PAN3: variants seen among roughly 807,000 people sequenced by gnomAD.
PAN3 encodes PAN2-PAN3 deadenylation complex subunit PAN3.
PAN3 carries 19 observed loss-of-function variants against 96.2 expected under a neutral mutation model. The observed-to-expected ratio is 0.20, with a 90% CI of 0.14 to 0.29. PAN3 has a LOEUF of 0.29. PAN3 is among the 10% of genes least tolerant of loss of function. The probability of loss-of-function intolerance (pLI) is 1.00; values close to 1 mark genes in which losing one functional copy is unlikely to be tolerated. For synonymous variants in PAN3, 433 were observed against 406.6 expected (o/e 1.06, Z -0.78); for missense variants, 882 against 1,108.1 (o/e 0.80, Z 2.90).
chr13:28,138,679 C>A lies in PAN3; in HGVS notation c.22C>A (p.Pro8Thr), dbSNP rs1015005303. ...TGCCATGAACAGTGGCGGCGGCCTCCCGCCCCCCTCGGCCGCCGCCTCCCC... is the reference window on the plus strand; with the variant it reads ...TGCCATGAACAGTGGCGGCGGCCTCACGCCCCCCTCGGCCGCCGCCTCCCC... MNSGGGL[P>T]PPSAAASPSS... is the part of the protein sequence containing the mutation. Residue 8 changes from proline to threonine, a missense_variant, in exon 1 of 19, where the codon CCG (proline) becomes ACG (threonine). Around this residue, in one of 3 missense-constraint regions of PAN3, gnomAD observed 442 missense variants for 422.8 expected, o/e 1.05. Coordinates refer to ENST00000380958, the MANE Select transcript of PAN3 (RefSeq NM_175854.8). 4.0e-5 allele frequency: 36 copies of A among 898,276 alleles called. No homozygotes were observed. The highest frequency in any genetic ancestry group is 2.1e-4 in the Admixed American group (5 of 23,322). 55.6% of individuals were successfully genotyped at this position (898,276 alleles called of 1,614,324 possible). A position where few individuals can be genotyped will look rare whatever the true frequency, so the allele number is the denominator to read the frequency against.
At chr13:28,205,561 G>A (rs1879242237) in intron 5 of PAN3, among the ~76,000 whole-genome samples, 1 of 152,054 alleles carries the variant, frequency 6.6e-6, no homozygotes, top group Non-Finnish European at 1.5e-5. Flanking sequence ...GTGTGGGCTG[G>A]GTGTGATAAC....
At chr13:28,233,334 T>G (rs1287048525) in intron 6 of PAN3, among the ~76,000 whole-genome samples, 1 of 151,554 alleles carries the variant, frequency 6.6e-6, no homozygotes, top group Non-Finnish European at 1.5e-5. Flanking sequence ...TGGCATGATC[T>G]CGGCTCACTG....
At chr13:28,145,447 C>T (rs1337023307) in intron 1 of PAN3, among the ~76,000 whole-genome samples, 1 of 151,966 alleles carries the variant, frequency 6.6e-6, no homozygotes, top group African/African-American at 2.4e-5. Context: ...GCCATAGACT[C>T]ATGAGTAGCT....
chr13:28,181,471 T>TA (rs902859642), intron 4 of PAN3, among the ~76,000 whole-genome samples: 15 of 125,240 alleles, frequency 1.2e-4, no homozygotes, highest in South Asian at 2.4e-4. Flanking sequence ...GTGATCACTC[T>TA]AATGCACTGT....
intron 5 of PAN3, among the ~76,000 whole-genome samples, chr13:28,217,019 C>T (rs1880859328): frequency 6.6e-6 from 1 of 151,176 alleles, no homozygotes; most frequent in African/African-American, 2.4e-5. Context: ...GAGGCTGAGG[C>T]AGGAGAATCA....
intron 6 of PAN3, among the ~76,000 whole-genome samples, chr13:28,245,339 A>G (rs886355173): frequency 6.7e-6 from 1 of 150,116 alleles, no homozygotes; most frequent in Non-Finnish European, 1.5e-5. Flanking sequence ...CTAGTTGTTT[A>G]TATCTACAGA....
chr13:28,233,506 A>G (rs1882796658), intron 6 of PAN3, among the ~76,000 whole-genome samples: 1 of 152,098 alleles, frequency 6.6e-6, no homozygotes, highest in Non-Finnish European at 1.5e-5. Flanking sequence ...ACCCCAAGTG[A>G]TCTGCCCACC....
intron 1 of PAN3, among the ~76,000 whole-genome samples, chr13:28,162,510 C>T (rs1873001750): frequency 6.6e-6 from 1 of 152,002 alleles, no homozygotes; most frequent in Non-Finnish European, 1.5e-5. Flanking sequence ...CATGGCGAAA[C>T]CCCACCTCTA....
intron 12 of PAN3, among the ~76,000 whole-genome samples, chr13:28,268,964 C>CAACT (rs1423114425): frequency 6.6e-6 from 1 of 152,130 alleles, no homozygotes; most frequent in Non-Finnish European, 1.5e-5. Flanking sequence ...GGATGTGGTA[C>CAACT]AACTATTCTT....
At chr13:28,139,116 C>A in intron 1 of PAN3, 29 bp downstream of exon 1, 1 of 1,273,804 alleles carries the variant, frequency 7.9e-7, no homozygotes, top group Non-Finnish European at 9.9e-7. Flanking sequence ...GGGCGGGCCG[C>A]GGCGGCGGAG....
At chr13:28,170,500 C>T (rs578091260) in intron 1 of PAN3, among the ~76,000 whole-genome samples, 24 of 152,034 alleles carry the variant, frequency 1.6e-4, no homozygotes, top group African/African-American at 5.8e-4. Context: ...TTGGCTTGTA[C>T]AAAATGTGAA....
At chr13:28,217,017 G>A (rs1880859059) in intron 5 of PAN3, among the ~76,000 whole-genome samples, 1 of 151,936 alleles carries the variant, frequency 6.6e-6, no homozygotes, top group African/African-American at 2.4e-5. Context: ...TGGAGGCTGA[G>A]GCAGGAGAAT....
intron 4 of PAN3, among the ~76,000 whole-genome samples, chr13:28,181,504 CAAAAAAAA>C: frequency 1.7e-5 from 1 of 57,268 alleles, no homozygotes; most frequent in East Asian, 6.1e-4. Context: ...AACCCTGTCT[CAAAAAAAA>C]AAAAAAAAAA....
At chr13:28,174,509 G>A in intron 2 of PAN3, 116 bp downstream of exon 2, 1 of 1,098,992 alleles carries the variant, frequency 9.1e-7, no homozygotes, top group Non-Finnish European at 1.3e-6. Context: ...TTAGGAGGCA[G>A]TGAGATGGGT....
chr13:28,261,689 A>G (rs1194585092), intron 9 of PAN3, among the ~76,000 whole-genome samples: 1 of 151,842 alleles, frequency 6.6e-6, no homozygotes, highest in African/African-American at 2.4e-5. Flanking sequence ...ATTAGCTGGG[A>G]GTGGTGGTGC....
intron 1 of PAN3, among the ~76,000 whole-genome samples, chr13:28,146,684 A>G (rs1280667122): frequency 6.6e-6 from 1 of 152,176 alleles, no homozygotes; most frequent in African/African-American, 2.4e-5. Flanking sequence ...TGTGTATTAA[A>G]ACATTTAAAC....
chr13:28,274,510 C>A (rs1019031618), intron 14 of PAN3, among the ~76,000 whole-genome samples: 1 of 147,856 alleles, frequency 6.8e-6, no homozygotes, highest in African/African-American at 2.5e-5. Context: ...AAAAAAAAAA[C>A]TGCACACGCT....
intron 2 of PAN3, among the ~76,000 whole-genome samples, chr13:28,175,145 A>G (rs1874799793): frequency 6.6e-6 from 1 of 152,192 alleles, no homozygotes; most frequent in African/African-American, 2.4e-5. Flanking sequence ...AGTAAAGGCA[A>G]TGTATTGTCC....
intron 5 of PAN3, among the ~76,000 whole-genome samples, chr13:28,202,493 G>A (rs1470562779): frequency 2.6e-5 from 4 of 151,960 alleles, no homozygotes; most frequent in Non-Finnish European, 5.9e-5. Context: ...AACCATATGA[G>A]GTCTTTTATG....
Sources: gnomAD v4.1 joint callset for allele counts (sites outside exome capture counted in the v4.1 genomes callset) on GRCh38, gnomAD v4.1.1 for gene constraint, gnomAD v4.1.1 regional missense constraint, MANE v1.5 for transcripts, NCBI Gene and HGNC (gene_info 2026-07-23, HGNC 2026-07-21) for gene names.